SRPK2: variants seen among roughly 807,000 people sequenced by gnomAD.
SRPK2 encodes the protein SRSF protein kinase 2, also known as SFRS protein kinase 2.
Under a neutral mutation model 90.8 loss-of-function variants are expected in SRPK2, and 21 were observed. The observed-to-expected ratio is 0.23, with a 90% confidence interval of 0.16 to 0.33. The LOEUF (loss-of-function observed/expected upper bound fraction) is 0.33. Ranked by LOEUF, SRPK2 falls within the 10% of genes least tolerant of loss-of-function variation. The probability of loss-of-function intolerance (pLI) is 1.00; values close to 1 mark genes in which losing one functional copy is unlikely to be tolerated. For missense variants in SRPK2, 620 were observed against 869.0 expected, an observed-to-expected ratio of 0.71 and a Z score of 3.60; for synonymous variants, 288 against 311.1, an observed-to-expected ratio of 0.93 and a Z score of 0.78.
At chr7:105,366,143 G>A (rs982501938) in intron 2 of SRPK2, among the ~76,000 whole-genome samples, 10 of 151,002 alleles carry the variant, frequency 6.6e-5, no homozygotes, top group Admixed American at 4.6e-4. Flanking sequence ...ATGAGCCACC[G>A]CACCCGGCCT....
chr7:105,129,128 AT>A (rs1356338457), intron 13 of SRPK2, among the ~76,000 whole-genome samples: 1 of 152,100 alleles, frequency 6.6e-6, no homozygotes, highest in African/African-American at 2.4e-5. Context: ...CGCCCGGCTA[AT>A]TTTTTGTAGA....
At chr7:105,204,840 G>C in intron 2 of SRPK2, 1 of 481,342 alleles carries the variant, frequency 2.1e-6, no homozygotes, top group South Asian at 1.8e-5. Flanking sequence ...TGTCAATGAA[G>C]AGTTCAAAGA....
chr7:105,351,720 C>T (rs1401801610), intron 2 of SRPK2, among the ~76,000 whole-genome samples: 1 of 151,136 alleles, frequency 6.6e-6, no homozygotes, highest in Non-Finnish European at 1.5e-5. Context: ...AGCAAAATCG[C>T]TTGAACCCGG....
intron 2 of SRPK2, among the ~76,000 whole-genome samples, chr7:105,365,715 T>C (rs1165468032): frequency 1.3e-5 from 2 of 151,660 alleles, no homozygotes; most frequent in African/African-American, 4.8e-5. Context: ...GGGAGGATCA[T>C]GTGAGCTTAG....
At chr7:105,319,504 C>CGGGGGGGGGGGGGGG (rs796955446) in intron 2 of SRPK2, among the ~76,000 whole-genome samples, 3 of 5,304 alleles carry the variant, frequency 5.7e-4, no homozygotes, top group Non-Finnish European at 9.4e-4. Context: ...GCACTTGCGG[C>CGGGGGGGGGGGGGGG]GGGGGGGGGG....
intron 2 of SRPK2, among the ~76,000 whole-genome samples, chr7:105,249,167 A>G (rs1417277900): frequency 6.6e-6 from 1 of 152,124 alleles, no homozygotes; most frequent in Non-Finnish European, 1.5e-5. Context: ...TGTACATATA[A>G]ACAATGGACA....
intron 2 of SRPK2, among the ~76,000 whole-genome samples, chr7:105,222,709 T>C (rs2129616834): frequency 6.6e-6 from 1 of 152,316 alleles, no homozygotes; most frequent in Non-Finnish European, 1.5e-5. Context: ...ATAACATTAG[T>C]TTTAAAACAT....
intron 2 of SRPK2, among the ~76,000 whole-genome samples, chr7:105,336,557 A>T (rs1481519246): frequency 6.6e-6 from 1 of 152,194 alleles, no homozygotes; most frequent in African/African-American, 2.4e-5. Flanking sequence ...CCAAAAAAAA[A>T]GTTCTCATTA....
In SRPK2 at chr7:105,230,330, G is replaced by A. The variant is rs1799268435; in HGVS notation, c.72-26545C>T. On this transcript the variant is annotated intron_variant, in intron 2 of 15. Transcript: ENST00000393651. The stretch of plus-strand genomic sequence containing the variant: ...ACAAACAGCTGCATTCCACCAGCTG[G>A]GCAGCAGCAGGGCATACGTCCAATA... Among the ~76,000 whole-genome samples the A allele has an allele frequency of 1.3e-5, 2 of 152,246 alleles. 1 individual carries two copies. The highest frequency in any genetic ancestry group is 4.8e-5 in the African/African-American group (2 of 41,526).
intron 3 of SRPK2, among the ~76,000 whole-genome samples, chr7:105,186,043 G>A (rs1371109577): frequency 1.3e-5 from 2 of 152,146 alleles, no homozygotes; most frequent in Non-Finnish European, 2.9e-5. Flanking sequence ...GGACGAATAT[G>A]TCTTTATCAG....
chr7:105,163,072 C>T (rs1044300044), intron 6 of SRPK2, among the ~76,000 whole-genome samples: 1 of 152,118 alleles, frequency 6.6e-6, no homozygotes, highest in African/African-American at 2.4e-5. Flanking sequence ...CTGGTACTTC[C>T]TAGTATACTC....
At chr7:105,389,199 A>G (rs1488851171), upstream of SRPK2, 1 of 1,126,382 alleles carries the variant, frequency 8.9e-7, no homozygotes, top group Middle Eastern at 2.8e-4. Flanking sequence ...CGGGCACCGG[A>G]CCCGCGGGAC....
At chr7:105,327,950 A>C (rs1014589541) in intron 2 of SRPK2, among the ~76,000 whole-genome samples, 4 of 152,128 alleles carry the variant, frequency 2.6e-5, no homozygotes, top group Admixed American at 2.6e-4. Flanking sequence ...ACAAGAAGCC[A>C]CCACCACAGC....
intron 2 of SRPK2, among the ~76,000 whole-genome samples, chr7:105,232,045 G>C (rs1404489806): frequency 1.3e-5 from 2 of 152,134 alleles, no homozygotes; most frequent in Admixed American, 1.3e-4. Flanking sequence ...TGTAGAGATG[G>C]GTCTTGCTAT....
At chr7:105,282,010 C>T (rs994800662) in intron 2 of SRPK2, among the ~76,000 whole-genome samples, 1 of 152,042 alleles carries the variant, frequency 6.6e-6, no homozygotes, top group African/African-American at 2.4e-5. Context: ...CCAAAACAAT[C>T]TTGAAAAAAG....
At chr7:105,359,232 C>G (rs533518674) in intron 2 of SRPK2, among the ~76,000 whole-genome samples, 1 of 142,468 alleles carries the variant, frequency 7.0e-6, no homozygotes, top group Non-Finnish European at 1.5e-5. Flanking sequence ...GATCTTGGCT[C>G]ACTGCAACCT....
At position 105,146,485 on chromosome 7, in the gene SRPK2, T is replaced by A; in HGVS notation, c.787+8A>T. ...CACACTGAAATGAAGCTGGCTCAGC[T>A]CCCTCACCTGCAGACCCTGAAGGAG... On this transcript the variant is annotated splice_region_variant and intron_variant, in intron 8 of 15. Coordinates refer to ENST00000393651, the MANE Select transcript of SRPK2 (RefSeq NM_182692.3). 6.2e-7 allele frequency: 1 copy of A among 1,613,564 alleles called. No individual in the cohort carries two copies. The highest frequency in any genetic ancestry group is 8.5e-7 in the Non-Finnish European group (1 of 1,179,678).
intron 2 of SRPK2, among the ~76,000 whole-genome samples, chr7:105,352,862 T>A (rs1428440961): frequency 6.6e-6 from 1 of 151,532 alleles, no homozygotes; most frequent in African/African-American, 2.4e-5. Context: ...ATTGCACCAG[T>A]GCACTCCAGC....
intron 1 of SRPK2, chr7:105,399,059 T>C (rs1452943162): frequency 9.9e-5 from 15 of 152,256 alleles, no homozygotes; most frequent in Admixed American, 9.8e-4. Context: ...TGATCATATA[T>C]ATGTGCCATG....
Sources: gnomAD v4.1 joint callset for allele counts (sites outside exome capture counted in the v4.1 genomes callset) on GRCh38, gnomAD v4.1.1 for gene constraint, MANE v1.5 for transcripts, NCBI Gene and HGNC (gene_info 2026-07-23, HGNC 2026-07-21) for gene names.